Variants in KCNQ1 observed in about 807,000 individuals in gnomAD.
KCNQ1 encodes potassium voltage-gated channel subfamily KQT member 1.
A neutral mutation model predicts 72.4 loss-of-function variants in KCNQ1; 49 were observed. That is an observed-to-expected ratio of 0.68 (90% CI 0.54 to 0.86). The LOEUF is 0.86. Among genes scored for constraint, KCNQ1 ranks in the 40% least tolerant of loss-of-function variants. KCNQ1 has a pLI of 0.00. For synonymous variants in KCNQ1, 450 were observed against 412.6 expected, an observed-to-expected ratio of 1.09 and a Z score of -1.10; for missense variants, 790 against 945.1, an observed-to-expected ratio of 0.84 and a Z score of 2.15.
rs3079043 is a variant in KCNQ1 at position 2,799,375 on chromosome 11, AGTGT to A, written c.1794+21362_1794+21365del. Among the ~76,000 whole-genome samples, 999 of 147,372 alleles carry A rather than the reference AGTGT, an allele frequency of 6.8e-3. 6 individuals carry two copies. The highest frequency in any genetic ancestry group is 0.017 in the African/African-American group (666 of 40,072). On this transcript the variant is annotated intron_variant, in intron 15 of 15. Transcript: ENST00000155840. Reference sequence around the variant, plus strand: ...TTTAACTTCTGTAGCTGTAAGTTCGAGTGTGTGTGTGTGTGTGTGTGTGTGTGGT... The same window carrying A: ...TTTAACTTCTGTAGCTGTAAGTTCGAGTGTGTGTGTGTGTGTGTGTGTGGT...
At chr11:2,843,405 G>A (rs961238383) in intron 15 of KCNQ1, among the ~76,000 whole-genome samples, 1 of 152,226 alleles carries the variant, frequency 6.6e-6, no homozygotes, top group Non-Finnish European at 1.5e-5. Context: ...GGAAGGCCAA[G>A]GTGACCTTTG....
chr11:2,701,109 C>T (rs1189307835), intron 11 of KCNQ1, among the ~76,000 whole-genome samples: 2 of 152,228 alleles, frequency 1.3e-5, no homozygotes, highest in Non-Finnish European at 2.9e-5. Context: ...AGCGAGCCAG[C>T]CGTCCCCCCA....
chr11:2,609,457 G>T, intron 10 of KCNQ1: 3 of 398,396 alleles, frequency 7.5e-6, no homozygotes, highest in Non-Finnish European at 1.3e-5. Flanking sequence ...CCTTCTTGGA[G>T]AATGTCTCAT....
intron 15 of KCNQ1, 145 bp downstream of exon 15, chr11:2,778,182 C>A: frequency 1.2e-6 from 1 of 806,244 alleles, no homozygotes; most frequent in East Asian, 2.6e-5. Flanking sequence ...CCAGCAACTC[C>A]CAAGAGGGGC....
chr11:2,715,279 C>T lies in KCNQ1; in HGVS notation c.1514+53198C>T, dbSNP rs935103377. ...CTGAGCCTCTGTCTGACTCTCTGCT[C>T]TCTGGAGAGCTCAAGGGAACCTGTA... On this transcript the variant is annotated intron_variant, in intron 11 of 15. Coordinates refer to ENST00000155840, the MANE Select transcript of KCNQ1 (RefSeq NM_000218.3). The surrounding 1 kb of genome is among the most constrained non-coding windows in gnomAD (Gnocchi z 4.9). Among the ~76,000 whole-genome samples, 1 of 152,152 alleles carries T rather than the reference C, an allele frequency of 6.6e-6. No homozygotes were observed. Among genetic ancestry groups the T allele is most frequent in the Non-Finnish European group, 1.5e-5 (1 of 68,024 alleles).
intron 11 of KCNQ1, among the ~76,000 whole-genome samples, chr11:2,718,035 G>A (rs1414781532): frequency 6.6e-6 from 1 of 152,206 alleles, no homozygotes; most frequent in African/African-American, 2.4e-5. Flanking sequence ...TTTGTTGATG[G>A]GTGTAGTCTC....
Position 2,484,698 on chromosome 11 carries a change from G to A in KCNQ1, c.386+39214G>A, listed in dbSNP as rs1846707350. On this transcript the variant is annotated intron_variant, in intron 1 of 15. Transcript: ENST00000155840. The surrounding 1 kb of genome is among the most constrained non-coding windows in gnomAD (Gnocchi z 5.2). ...GAGTGGTCTTTAGAAACCCAGGCCT[G>A]GGTGCATGGTGTGCTCATCGCCACT... Among the ~76,000 whole-genome samples, 2 of 152,158 alleles carry A rather than the reference G, an allele frequency of 1.3e-5. No individual in the cohort carries two copies. Among genetic ancestry groups the A allele is most frequent in the South Asian group, 4.1e-4 (2 of 4,830 alleles).
chr11:2,575,834 A>G (rs544805285), intron 6 of KCNQ1, among the ~76,000 whole-genome samples: 9 of 152,264 alleles, frequency 5.9e-5, no homozygotes, highest in South Asian at 2.1e-4. Flanking sequence ...CTGCCACAAC[A>G]AAGTCCGCGA....
chr11:2,659,625 G>T lies in KCNQ1; in HGVS notation c.1394-2336G>T. 1 of 398,516 alleles carries T rather than the reference G, an allele frequency of 2.5e-6. No individual in the cohort carries two copies. Among genetic ancestry groups the T allele is most frequent in the Non-Finnish European group, 4.4e-6 (1 of 226,022 alleles). 24.7% of individuals were successfully genotyped at this position (398,516 alleles called of 1,614,324 possible). ...AATTCACTTGGGTGGGAAAGGAACCGATAGGTCATGTGGTATGTGTATGTT... is the reference window on the plus strand; with the variant it reads ...AATTCACTTGGGTGGGAAAGGAACCTATAGGTCATGTGGTATGTGTATGTT... On this transcript the variant is annotated intron_variant, in intron 10 of 15. Coordinates refer to ENST00000155840, the MANE Select transcript of KCNQ1 (RefSeq NM_000218.3). The surrounding 1 kb of genome is among the most constrained non-coding windows in gnomAD (Gnocchi z 4.3).
At chr11:2,631,497 C>A (rs1589992510) in intron 10 of KCNQ1, 4 of 286,840 alleles carry the variant, frequency 1.4e-5, no homozygotes, top group Non-Finnish European at 2.4e-5. Context: ...ATTAGGTTGT[C>A]TCTCTGTTCT....
chr11:2,704,760 T>G lies in KCNQ1; in HGVS notation c.1514+42679T>G, dbSNP rs1850879335. Among the ~76,000 whole-genome samples, 1 of 152,180 alleles carries G rather than the reference T, an allele frequency of 6.6e-6. No homozygotes were observed. The highest frequency in any genetic ancestry group is 2.4e-5 in the African/African-American group (1 of 41,442). On this transcript the variant is annotated intron_variant, in intron 11 of 15. Coordinates refer to ENST00000155840, the MANE Select transcript of KCNQ1 (RefSeq NM_000218.3). The surrounding 1 kb of genome is among the most constrained non-coding windows in gnomAD (Gnocchi z 4.3). Reference sequence around the variant, plus strand: ...TGGGCTCCCTCAGGCGGCAACTTTGTCTAGACTTCTGGCTGAGGACAGGGA... The same window carrying G: ...TGGGCTCCCTCAGGCGGCAACTTTGGCTAGACTTCTGGCTGAGGACAGGGA...
rs1590014239 is a variant in KCNQ1, at chr11:2,661,261, G to A, written c.1394-700G>A. ...TCCTTTTGCAATAAAATATTTAAAT[G>A]AAGACAAATATAAGCCAAGAGCAAA... On this transcript the variant is annotated intron_variant, in intron 10 of 15. Coordinates refer to ENST00000155840, the MANE Select transcript of KCNQ1 (RefSeq NM_000218.3). The surrounding 1 kb of genome is among the most constrained non-coding windows in gnomAD (Gnocchi z 5.9). The A allele has an allele frequency of 5.0e-6, 2 of 399,122 alleles. No individual in the cohort carries two copies. Among genetic ancestry groups the A allele is most frequent in the East Asian group, 7.1e-5 (2 of 28,090 alleles). The allele number at this position is 399,122 out of a possible 1,614,324, so 24.7% of individuals were successfully genotyped here. A position where few individuals can be genotyped will look rare whatever the true frequency, so the allele number is the denominator to read the frequency against.
chr11:2,536,014 T>A lies in KCNQ1; in HGVS notation c.477+7996T>A, dbSNP rs1376909727. Among the ~76,000 whole-genome samples the A allele has an allele frequency of 6.6e-6, 1 of 152,132 alleles. No individual in the cohort carries two copies. ...ATGGCATGAAGACCCGGTGGTTCTG[T>A]TCCCCCGGGACAGCCTTGGTCCAGC... On this transcript the variant is annotated intron_variant, in intron 2 of 15. Coordinates refer to ENST00000155840, the MANE Select transcript of KCNQ1 (RefSeq NM_000218.3). The surrounding 1 kb of genome is among the most constrained non-coding windows in gnomAD (Gnocchi z 7.4).
chr11:2,612,411 T>A lies in KCNQ1; in HGVS notation c.1393+23557T>A. 1 of 398,626 alleles carries A rather than the reference T, an allele frequency of 2.5e-6. No homozygotes were observed. The highest frequency in any genetic ancestry group is 4.4e-6 in the Non-Finnish European group (1 of 226,066). The allele number at this position is 398,626 out of a possible 1,614,324, so 24.7% of individuals were successfully genotyped here. A position where few individuals can be genotyped will look rare whatever the true frequency, so the allele number is the denominator to read the frequency against. On this transcript the variant is annotated intron_variant, in intron 10 of 15. Transcript: ENST00000155840. This position sits in a 1 kb window ranked among gnomAD's most constrained non-coding sequence, Gnocchi z 5.5. ...GGGACCACTATATTATGGTATCCAA[T>A]GGGTATCTCTTCATTTTTCTTCATT...
At chr11:2,461,164 C>T (rs1037825650) in intron 1 of KCNQ1, among the ~76,000 whole-genome samples, 30 of 152,132 alleles carry the variant, frequency 2.0e-4, no homozygotes, top group Admixed American at 1.7e-3. Context: ...GGCTGGAACT[C>T]GGTGTCCGAC....
At position 2,608,336 on chromosome 11, in the gene KCNQ1, T is replaced by A. The variant is rs73415330; in HGVS notation, c.1393+19482T>A. 0.038 allele frequency: 14,968 copies of A among 398,460 alleles called. 907 individuals carry two copies. The highest frequency in any genetic ancestry group is 0.16 in the African/African-American group (7,727 of 48,684). The allele number at this position is 398,460 out of a possible 1,614,324, so 24.7% of individuals were successfully genotyped here. A position where few individuals can be genotyped will look rare whatever the true frequency, so the allele number is the denominator to read the frequency against. On this transcript the variant is annotated intron_variant, in intron 10 of 15. Transcript: ENST00000155840. The surrounding 1 kb of genome is among the most constrained non-coding windows in gnomAD (Gnocchi z 4.6). ...ATTTTCTACTTATTTCTTAGTCAGT[T>A]TTCATAGTTTTCATCTTTCTAGGAA...
At chr11:2,561,599 T>A (rs149203324) in intron 2 of KCNQ1, among the ~76,000 whole-genome samples, 1 of 152,356 alleles carries the variant, frequency 6.6e-6, no homozygotes, top group East Asian at 1.9e-4. Flanking sequence ...GAGCTGCTCG[T>A]CTGGGTCCCC....
In KCNQ1 at chr11:2,478,566, A is replaced by G. The variant is rs1453023797; in HGVS notation, c.386+33082A>G. 1.3e-5 allele frequency among the ~76,000 whole-genome samples: 2 copies of G among 152,166 alleles called. No homozygotes were observed. Among genetic ancestry groups the G allele is most frequent in the Non-Finnish European group, 2.9e-5 (2 of 68,026 alleles). ...GATCTCGTGAGACTTATTCATTACCATGAGAACAGCATGGAGGAAACCACC... is the reference window on the plus strand; with the variant it reads ...GATCTCGTGAGACTTATTCATTACCGTGAGAACAGCATGGAGGAAACCACC... On this transcript the variant is annotated intron_variant, in intron 1 of 15. Coordinates refer to ENST00000155840, the MANE Select transcript of KCNQ1 (RefSeq NM_000218.3). This position sits in a 1 kb window ranked among gnomAD's most constrained non-coding sequence, Gnocchi z 4.0.
rs1850503019 is a variant in KCNQ1, at chr11:2,687,119, C to T, written c.1514+25038C>T. 5.0e-6 allele frequency: 2 copies of T among 398,528 alleles called. No individual in the cohort carries two copies. Among genetic ancestry groups the T allele is most frequent in the African/African-American group, 4.1e-5 (2 of 48,632 alleles). 24.7% of individuals were successfully genotyped at this position (398,528 alleles called of 1,614,324 possible). A position where few individuals can be genotyped will look rare whatever the true frequency, so the allele number is the denominator to read the frequency against. On this transcript the variant is annotated intron_variant, in intron 11 of 15. Coordinates refer to ENST00000155840, the MANE Select transcript of KCNQ1 (RefSeq NM_000218.3). The surrounding 1 kb of genome is among the most constrained non-coding windows in gnomAD (Gnocchi z 5.0). ...TGACAAGTACACCTTGACACACAAA[C>T]TGCACAGGGAGGGGAGGAATCTGAG...
Sources: gnomAD v4.1 joint callset for allele counts (sites outside exome capture counted in the v4.1 genomes callset) on GRCh38, gnomAD v4.1.1 for gene constraint, Gnocchi (gnomAD v3.1) non-coding constraint, MANE v1.5 for transcripts, NCBI Gene and HGNC (gene_info 2026-07-23, HGNC 2026-07-21) for gene names.